Variants in CYFIP2 observed in about 807,000 individuals in gnomAD.
The protein encoded by CYFIP2 is cytoplasmic FMR1 interacting protein 2.
A neutral mutation model predicts 158.7 loss-of-function variants in CYFIP2; 29 were observed. That is an observed-to-expected ratio of 0.18 (90% confidence interval 0.14 to 0.25). The LOEUF (loss-of-function observed/expected upper bound fraction) is 0.25. CYFIP2 is among the 10% of genes least tolerant of loss of function. The pLI is 1.00. For synonymous variants in CYFIP2, 585 were observed against 617.6 expected (o/e 0.95, Z 0.78); for missense variants, 852 against 1,639.5 (o/e 0.52, Z 8.29).
intron 21 of CYFIP2, among the ~76,000 whole-genome samples, chr5:157,334,594 ATAT>A (rs1458459262): frequency 1.2e-4 from 19 of 152,290 alleles, no homozygotes; most frequent in African/African-American, 4.3e-4. Flanking sequence ...CCAGTAAGAC[ATAT>A]TATTGTTATC....
chr5:157,294,479 G>A (rs1017906500), intron 3 of CYFIP2, among the ~76,000 whole-genome samples: 2 of 152,184 alleles, frequency 1.3e-5, no homozygotes, highest in African/African-American at 2.4e-5. Context: ...TATCTGGGGG[G>A]CACATAGCTC....
At chr5:157,280,400 A>T (rs1241691040) in intron 1 of CYFIP2, among the ~76,000 whole-genome samples, 1 of 142,462 alleles carries the variant, frequency 7.0e-6, no homozygotes, top group African/African-American at 2.6e-5. Flanking sequence ...TAGAAATGGG[A>T]TTTCTACTAA....
intron 21 of CYFIP2, among the ~76,000 whole-genome samples, chr5:157,333,822 G>A (rs1761661161): frequency 6.6e-6 from 1 of 152,206 alleles, no homozygotes; most frequent in Non-Finnish European, 1.5e-5. Flanking sequence ...GGGCTTTGCA[G>A]CTGGTTTACC....
intron 28 of CYFIP2, chr5:157,384,294 T>C: frequency 2.2e-6 from 1 of 456,628 alleles, no homozygotes; most frequent in Non-Finnish European, 4.4e-6. Flanking sequence ...ATGTGCTATC[T>C]CCTTTCAAGT....
intron 27 of CYFIP2, 105 bp from the exon 28 acceptor site, chr5:157,383,160 A>AT (rs1314989887): frequency 2.1e-6 from 2 of 969,120 alleles, no homozygotes; most frequent in Non-Finnish European, 3.2e-6. Flanking sequence ...ACTCCATCCC[A>AT]TTTTTGGAAT....
intron 21 of CYFIP2, among the ~76,000 whole-genome samples, chr5:157,337,745 C>G (rs577037055): frequency 1.8e-4 from 27 of 152,376 alleles, no homozygotes; most frequent in African/African-American, 6.3e-4. Context: ...CTATGGTCAT[C>G]CCACCCGGCC....
intron 13 of CYFIP2, among the ~76,000 whole-genome samples, chr5:157,318,957 A>G (rs1317265361): frequency 2.6e-5 from 4 of 152,226 alleles, no homozygotes; most frequent in East Asian, 3.8e-4. Flanking sequence ...CAGTGTTCCT[A>G]TGCCTCCTAC....
intron 29 of CYFIP2, among the ~76,000 whole-genome samples, chr5:157,389,906 G>T (rs1048230798): frequency 1.3e-5 from 2 of 152,228 alleles, no homozygotes; most frequent in Non-Finnish European, 2.9e-5. Context: ...ACACCTGCCC[G>T]GGTTGGGGCT....
chr5:157,360,235 G>T, intron 24 of CYFIP2, 47 bp from the exon 25 acceptor site: 2 of 1,526,454 alleles, frequency 1.3e-6, no homozygotes, highest in Non-Finnish European at 1.8e-6. Flanking sequence ...TCCATACCCC[G>T]CATAGCCCAG....
chr5:157,391,645 G>T (rs1390717316), intron 30 of CYFIP2, among the ~76,000 whole-genome samples: 1 of 152,124 alleles, frequency 6.6e-6, no homozygotes, highest in East Asian at 1.9e-4. Context: ...ATATTGCATT[G>T]TGTATATAGA....
intron 11 of CYFIP2, among the ~76,000 whole-genome samples, chr5:157,313,613 C>G (rs11134681): frequency 0.19 from 28,942 of 152,182 alleles, 2,936 homozygotes; most frequent in Middle Eastern, 0.26. Context: ...ACTGAGAAAT[C>G]ACCATGAGTG....
Position 157,361,310 on chromosome 5 carries a change from G to A in CYFIP2, c.2909-158G>A, listed in dbSNP as rs569396449. On this transcript the variant is annotated intron_variant, in intron 25 of 30. Coordinates refer to ENST00000620254, the MANE Select transcript of CYFIP2 (RefSeq NM_001037333.3). This position sits in a 1 kb window ranked among gnomAD's most constrained non-coding sequence, Gnocchi z 4.4. ...CGAACTTTGTCCAGTACTGAGCCCTGAAAGAAATCTCACTCTGGGCCTGCA... is the reference window on the plus strand; with the variant it reads ...CGAACTTTGTCCAGTACTGAGCCCTAAAAGAAATCTCACTCTGGGCCTGCA... The A allele has an allele frequency of 2.7e-5, 23 of 865,874 alleles. No homozygotes were observed. The South Asian group carries it at 3.9e-4, about 15-fold the overall frequency. 53.6% of individuals were successfully genotyped at this position (865,874 alleles called of 1,614,324 possible).
chr5:157,293,888 T>C (rs1326217303), intron 3 of CYFIP2, among the ~76,000 whole-genome samples: 3 of 152,038 alleles, frequency 2.0e-5, no homozygotes, highest in South Asian at 2.1e-4. Flanking sequence ...TGCTGATTGA[T>C]TGGGGATCCA....
intron 23 of CYFIP2, chr5:157,345,621 C>A (rs1406141470): frequency 6.5e-6 from 1 of 152,700 alleles, no homozygotes; most frequent in Non-Finnish European, 1.5e-5. Context: ...GGCCTTCTCC[C>A]TCCTCTGCTC....
chr5:157,363,931 C>G (rs1764091988), intron 26 of CYFIP2: 1 of 152,070 alleles, frequency 6.6e-6, no homozygotes, highest in African/African-American at 2.4e-5. Flanking sequence ...CCTCAGTGCC[C>G]CCGTCCCTAA....
At chr5:157,319,020 G>A (rs1470459) in intron 13 of CYFIP2, among the ~76,000 whole-genome samples, 48,727 of 151,978 alleles carry the variant, frequency 0.32, 8,622 homozygotes, top group African/African-American at 0.48. Context: ...ATAGATACAC[G>A]CCTCCCTTCC....
At chr5:157,303,100 G>A (rs900596487) in intron 7 of CYFIP2, 60 of 511,156 alleles carry the variant, frequency 1.2e-4, no homozygotes, top group African/African-American at 9.7e-4. Context: ...TGTCATGCTC[G>A]TGAAGCCCTC....
At chr5:157,300,528 C>T (rs1275119633) in intron 5 of CYFIP2, among the ~76,000 whole-genome samples, 187 bp from the exon 6 acceptor site, 4 of 106,992 alleles carry the variant, frequency 3.7e-5, no homozygotes, top group South Asian at 3.9e-4. Flanking sequence ...AGCAAGACTC[C>T]GTCTCAAAAA....
chr5:157,314,299 G>A (rs1759964197), intron 11 of CYFIP2, 45 bp from the exon 12 acceptor site: 1 of 1,596,476 alleles, frequency 6.3e-7, no homozygotes, highest in Admixed American at 1.7e-5. Context: ...ACATATAAAA[G>A]TGTCAGGCAC....
Sources: allele counts gnomAD v4.1 joint callset (sites outside exome capture counted in the v4.1 genomes callset), GRCh38; gene constraint gnomAD v4.1.1; non-coding constraint Gnocchi (gnomAD v3.1); transcripts MANE v1.5; gene names NCBI Gene and HGNC (gene_info 2026-07-23, HGNC 2026-07-21).